Variants in RFX4 observed in about 807,000 individuals in gnomAD.
The protein encoded by RFX4 is regulatory factor X4, also known as transcription factor RFX4.
A neutral mutation model predicts 95.0 loss-of-function variants in RFX4; 10 were observed. That is an observed-to-expected ratio of 0.11 (90% CI 0.06 to 0.18). The LOEUF is 0.18. Ranked by LOEUF, RFX4 falls within the 10% of genes least tolerant of loss-of-function variation. The pLI, the probability that RFX4 is intolerant of heterozygous loss-of-function variation, is 1.00. For synonymous variants in RFX4, 321 were observed against 340.7 expected (o/e 0.94, Z 0.64); for missense variants, 640 against 922.0 (o/e 0.69, Z 3.96).
At chr12:106,603,408 C>T (rs2039754378) in intron 1 of RFX4, among the ~76,000 whole-genome samples, 1 of 152,222 alleles carries the variant, frequency 6.6e-6, no homozygotes, top group Non-Finnish European at 1.5e-5. Context: ...TCCAAATCTT[C>T]AGTCCAAAGT....
chr12:106,706,453 GA>G (rs1202871619), intron 8 of RFX4, among the ~76,000 whole-genome samples: 1 of 152,214 alleles, frequency 6.6e-6, no homozygotes, highest in Non-Finnish European at 1.5e-5. Context: ...GAACTAGGGA[GA>G]AAAGGGAGAG....
intron 13 of RFX4, among the ~76,000 whole-genome samples, chr12:106,728,617 T>C (rs1441957018): frequency 6.6e-6 from 1 of 152,166 alleles, no homozygotes; most frequent in Non-Finnish European, 1.5e-5. Context: ...TAAAGTGGGA[T>C]GTTCGCTGTA....
rs1255768110 is a variant in RFX4, at chr12:106,600,423, A to G, written c.44-8374A>G. 3.3e-5 allele frequency among the ~76,000 whole-genome samples: 5 copies of G among 151,554 alleles called. No homozygotes were observed. The East Asian group carries it at 7.8e-4, about 24-fold the overall frequency. On this transcript the variant is annotated intron_variant, in intron 1 of 17. Transcript: ENST00000392842. ...CTCGCGTGGCACTCTTGGTAATTGC[A>G]TCTCTGTTTGTATGATTATTTATAG...
chr12:106,669,966 A>G (rs1045744147), intron 4 of RFX4, among the ~76,000 whole-genome samples: 1 of 151,856 alleles, frequency 6.6e-6, no homozygotes, highest in African/African-American at 2.4e-5. Context: ...GTGAGCTCAG[A>G]TAATTTCCTA....
At chr12:106,606,776 G>A (rs2039841570) in intron 1 of RFX4, among the ~76,000 whole-genome samples, 2 of 152,142 alleles carry the variant, frequency 1.3e-5, no homozygotes, top group African/African-American at 4.8e-5. Flanking sequence ...TAAAAGAGCA[G>A]TTTGTTGGGA....
intron 2 of RFX4, among the ~76,000 whole-genome samples, chr12:106,611,423 A>G (rs759448425): frequency 1.3e-5 from 2 of 150,128 alleles, no homozygotes; most frequent in African/African-American, 2.5e-5. Flanking sequence ...TTTTTTTCTG[A>G]GAGTTTTACA....
intron 1 of RFX4, among the ~76,000 whole-genome samples, chr12:106,600,506 CCTGT>C (rs1592835925): frequency 6.6e-6 from 1 of 152,162 alleles, no homozygotes; most frequent in East Asian, 1.9e-4. Context: ...CTGTGTCCCT[CCTGT>C]GTAGCCAGCC....
intron 1 of RFX4, among the ~76,000 whole-genome samples, chr12:106,605,411 C>G (rs1241239112): frequency 6.6e-6 from 1 of 152,190 alleles, no homozygotes; most frequent in African/African-American, 2.4e-5. Flanking sequence ...AAGGGCTCCA[C>G]TAGGGAAGAA....
intron 1 of RFX4, among the ~76,000 whole-genome samples, chr12:106,588,814 G>T (rs1485485249): frequency 1.3e-5 from 2 of 152,186 alleles, no homozygotes; most frequent in African/African-American, 4.8e-5. Flanking sequence ...GAGCCTCCCA[G>T]GCACTCCATG....
chr12:106,618,088 A>G (rs1204575288), intron 2 of RFX4, among the ~76,000 whole-genome samples: 2 of 152,148 alleles, frequency 1.3e-5, no homozygotes. Flanking sequence ...TGTGCACTTG[A>G]GGAGAATGAG....
intron 4 of RFX4, among the ~76,000 whole-genome samples, chr12:106,663,596 G>C (rs996255658): frequency 6.6e-6 from 1 of 152,002 alleles, no homozygotes; most frequent in African/African-American, 2.4e-5. Flanking sequence ...TGTTGAAAAG[G>C]AGTGGTGAGA....
intron 2 of RFX4, among the ~76,000 whole-genome samples, chr12:106,636,390 CAAAA>C (rs34305367): frequency 2.6e-5 from 2 of 76,858 alleles, no homozygotes. Flanking sequence ...AACTCTGTCT[CAAAA>C]AAAAAAAAAA....
chr12:106,710,265 T>G (rs905454692), intron 9 of RFX4, among the ~76,000 whole-genome samples: 2 of 152,148 alleles, frequency 1.3e-5, no homozygotes, highest in African/African-American at 4.8e-5. Flanking sequence ...TTACCCTCTC[T>G]CCACAGGCAA....
chr12:106,605,780 T>C (rs557651092), intron 1 of RFX4, among the ~76,000 whole-genome samples: 1 of 152,348 alleles, frequency 6.6e-6, no homozygotes, highest in East Asian at 1.9e-4. Flanking sequence ...TCTTCTCATA[T>C]CTGCAATGTG....
At chr12:106,646,119 C>A (rs530904433) in intron 3 of RFX4, among the ~76,000 whole-genome samples, 1 of 152,292 alleles carries the variant, frequency 6.6e-6, no homozygotes, top group South Asian at 2.1e-4. Context: ...ATGCAGCCAG[C>A]AGCTGTGCTT....
At chr12:106,743,586 C>G (rs919973926) in intron 15 of RFX4, among the ~76,000 whole-genome samples, 2 of 152,196 alleles carry the variant, frequency 1.3e-5, no homozygotes, top group African/African-American at 4.8e-5. Context: ...GCAGCATTTA[C>G]TCCTTCAACA....
At chr12:106,591,785 T>C (rs2039550715) in intron 1 of RFX4, among the ~76,000 whole-genome samples, 1 of 152,200 alleles carries the variant, frequency 6.6e-6, no homozygotes, top group African/African-American at 2.4e-5. Context: ...AGCTAAGTAA[T>C]ATGATAATAT....
chr12:106,734,650 G>C (rs1262849366), intron 15 of RFX4, among the ~76,000 whole-genome samples: 1 of 151,508 alleles, frequency 6.6e-6, no homozygotes, highest in Non-Finnish European at 1.5e-5. Context: ...AGTCACCCAA[G>C]CATCCGTGGA....
At chr12:106,693,020 T>C in intron 7 of RFX4, 1 of 348,044 alleles carries the variant, frequency 2.9e-6, no homozygotes, top group Non-Finnish European at 5.8e-6. Flanking sequence ...TCCACCCAAT[T>C]GCTTAAGCCA....
Sources: allele counts gnomAD v4.1 joint callset (sites outside exome capture counted in the v4.1 genomes callset), GRCh38; gene constraint gnomAD v4.1.1; transcripts MANE v1.5; gene names NCBI Gene and HGNC (gene_info 2026-07-23, HGNC 2026-07-21).